Variants in HSPBAP1 observed in about 807,000 individuals in gnomAD.
HSPBAP1 encodes the protein HSPB1-associated protein 1.
Under a neutral mutation model 45.2 loss-of-function variants are expected in HSPBAP1, and 27 were observed. The observed-to-expected ratio is 0.60, with a 90% CI of 0.44 to 0.82. The LOEUF (loss-of-function observed/expected upper bound fraction) is 0.82, where lower values mean the gene tolerates loss of function less well. Among genes scored for constraint, HSPBAP1 ranks in the 40% least tolerant of loss-of-function variants. HSPBAP1 has a pLI of 0.00. For synonymous variants in HSPBAP1, 204 were observed against 202.7 expected (o/e 1.01, Z -0.06); for missense variants, 510 against 590.9 (o/e 0.86, Z 1.42).
At chr3:122,743,935 G>A (rs1025893484) in intron 6 of HSPBAP1, among the ~76,000 whole-genome samples, 1 of 151,606 alleles carries the variant, frequency 6.6e-6, no homozygotes. Flanking sequence ...ACTGCTTGAG[G>A]CCAAGAGTTT....
At chr3:122,753,818 GC>G in intron 5 of HSPBAP1, 1 of 984,964 alleles carries the variant, frequency 1.0e-6, no homozygotes, top group Non-Finnish European at 1.2e-6. Context: ...GACAGAAAGA[GC>G]TGGGTTTGAG....
At position 122,740,155 on chromosome 3, in the gene HSPBAP1, G is replaced by C; in HGVS notation, c.*190C>G. On this transcript the variant is annotated 3_prime_UTR_variant, in exon 8 of 8. Coordinates refer to ENST00000306103, the MANE Select transcript of HSPBAP1 (RefSeq NM_024610.6). ...AGAGGAACAAAAGCTTACAAACAAA[G>C]AGCAGCCAGTTTGGCCAAAGAGGAA... is the stretch of plus-strand genomic sequence containing the variant. 2.7e-6 allele frequency: 1 copy of C among 376,272 alleles called. No individual in the cohort carries two copies. Among genetic ancestry groups the C allele is most frequent in the Non-Finnish European group, 4.6e-6 (1 of 217,206 alleles). The allele number at this position is 376,272 out of a possible 1,614,324, so 23.3% of individuals were successfully genotyped here.
intron 1 of HSPBAP1, among the ~76,000 whole-genome samples, chr3:122,778,578 G>A (rs933070689): frequency 1.0e-4 from 15 of 148,992 alleles, no homozygotes; most frequent in Admixed American, 8.7e-4. Context: ...CTAGAGTGCT[G>A]GAGTGCAGTG....
intron 1 of HSPBAP1, among the ~76,000 whole-genome samples, chr3:122,788,211 A>G (rs549275636): frequency 2.0e-5 from 3 of 152,268 alleles, no homozygotes; most frequent in Non-Finnish European, 4.4e-5. Context: ...AACCCAGAAA[A>G]CTTATCTTTA....
At chr3:122,776,014 A>C (rs1301803107) in intron 2 of HSPBAP1, among the ~76,000 whole-genome samples, 1 of 152,234 alleles carries the variant, frequency 6.6e-6, no homozygotes, top group South Asian at 2.1e-4. Flanking sequence ...CAGGCACAAA[A>C]GGGCCAATAG....
At chr3:122,741,586 A>T (rs1933669984) in intron 6 of HSPBAP1, 1 of 154,994 alleles carries the variant, frequency 6.5e-6, no homozygotes, top group African/African-American at 2.4e-5. Context: ...TATAGCATTA[A>T]TGAGGAACTG....
At chr3:122,762,736 A>G (rs1289962233) in intron 3 of HSPBAP1, among the ~76,000 whole-genome samples, 1 of 152,198 alleles carries the variant, frequency 6.6e-6, no homozygotes, top group Admixed American at 6.5e-5. Flanking sequence ...AGAGAACATA[A>G]TTTGTATGAG....
intron 5 of HSPBAP1, chr3:122,753,411 G>T: frequency 1.0e-6 from 1 of 975,324 alleles, no homozygotes; most frequent in Non-Finnish European, 1.2e-6. Flanking sequence ...TTATCTGGTA[G>T]GCACTAGGAG....
intron 6 of HSPBAP1, among the ~76,000 whole-genome samples, chr3:122,742,842 G>T (rs1391005932): frequency 2.0e-5 from 3 of 152,142 alleles, no homozygotes; most frequent in Non-Finnish European, 4.4e-5. Flanking sequence ...CTACAATCAA[G>T]TAAGCCCATT....
intron 1 of HSPBAP1, among the ~76,000 whole-genome samples, chr3:122,783,465 G>A (rs886471744): frequency 1.3e-5 from 2 of 152,114 alleles, no homozygotes; most frequent in Non-Finnish European, 2.9e-5. Context: ...TGTACAAAAC[G>A]TCAAATTTCT....
At chr3:122,775,488 GTACTT>G (rs1215020795) in intron 2 of HSPBAP1, among the ~76,000 whole-genome samples, 1 of 148,710 alleles carries the variant, frequency 6.7e-6, no homozygotes, top group Admixed American at 6.6e-5. Context: ...CTTTTTTTTT[GTACTT>G]TTAGTAGAGA....
intron 1 of HSPBAP1, among the ~76,000 whole-genome samples, chr3:122,783,484 C>T (rs1450600337): frequency 6.6e-6 from 1 of 152,186 alleles, no homozygotes; most frequent in Non-Finnish European, 1.5e-5. Flanking sequence ...CTCCTCTACC[C>T]TCTTAAAGTC....
At chr3:122,791,231 A>G (rs1935818357) in intron 1 of HSPBAP1, among the ~76,000 whole-genome samples, 1 of 152,168 alleles carries the variant, frequency 6.6e-6, no homozygotes, top group Admixed American at 6.5e-5. Flanking sequence ...ACCAAATCTA[A>G]TCATGTTATT....
chr3:122,748,154 G>A (rs1297354840), intron 6 of HSPBAP1, among the ~76,000 whole-genome samples: 3 of 152,218 alleles, frequency 2.0e-5, no homozygotes. Flanking sequence ...GGTGCAAGAT[G>A]TGCTTTGTTA....
Position 122,740,787 on chromosome 3 carries a change from A to G in HSPBAP1, c.1025T>C (p.Val342Ala). Reference protein sequence around the residue: ...FFDRCRTSEVVEIQALRTDGE... With the variant: ...FFDRCRTSEVAEIQALRTDGE... ...ATCTGTTCTCAGTGCTTGGATTTCT[A>G]CTACCTCAGATGTTCTGCAGCGATC... The change falls in exon 8 of 8, where the codon GTA becomes GCA. Residue 342 changes from valine to alanine, a missense_variant. Transcript: ENST00000306103. The G allele has an allele frequency of 1.2e-6, 2 of 1,614,036 alleles. No individual in the cohort carries two copies. Among genetic ancestry groups the G allele is most frequent in the Non-Finnish European group, 1.7e-6 (2 of 1,180,026 alleles).
Position 122,749,982 on chromosome 3 carries a change from T to C in HSPBAP1, c.825+2609A>G, listed in dbSNP as rs1257069742. ...AATATGTTACTGGTTTTCTTTCTTT[T>C]TTTTTTTTTTTGAGACAGAGACTCG... On this transcript the variant is annotated intron_variant, in intron 6 of 7. Transcript: ENST00000306103. Among the ~76,000 whole-genome samples, 10 of 151,168 alleles carry C rather than the reference T, an allele frequency of 6.6e-5. 1 individual carries two copies. Among genetic ancestry groups the C allele is most frequent in the South Asian group, 2.1e-4 (1 of 4,798 alleles).
intron 6 of HSPBAP1, chr3:122,741,632 C>T (rs1177905940): frequency 6.5e-6 from 1 of 152,828 alleles, no homozygotes; most frequent in African/African-American, 2.4e-5. Flanking sequence ...CGAAAAAACA[C>T]CACAAAGGAA....
chr3:122,771,477 T>C (rs1427739760), intron 2 of HSPBAP1, among the ~76,000 whole-genome samples: 2 of 152,214 alleles, frequency 1.3e-5, no homozygotes, highest in East Asian at 3.8e-4. Context: ...AGCTTGCTTT[T>C]AATTATTATA....
chr3:122,750,920 G>C (rs1283461552), intron 6 of HSPBAP1, among the ~76,000 whole-genome samples: 2 of 152,152 alleles, frequency 1.3e-5, no homozygotes, highest in Non-Finnish European at 2.9e-5. Context: ...AATTAACAGG[G>C]ATGACTGTGA....
Sources: allele counts gnomAD v4.1 joint callset (sites outside exome capture counted in the v4.1 genomes callset), GRCh38; gene constraint gnomAD v4.1.1; transcripts MANE v1.5; gene names NCBI Gene and HGNC (gene_info 2026-07-23, HGNC 2026-07-21).